The following ECPAS variants were observed in gnomAD, a reference collection of about 807,000 sequenced individuals.
ECPAS encodes proteasome adapter and scaffold protein ECM29.
In ECPAS, 70 loss-of-function variants were observed where a neutral mutation model predicts 255.1. The observed-to-expected ratio is 0.27, with a 90% CI of 0.23 to 0.33. The LOEUF is 0.33. Ranked by LOEUF, ECPAS falls within the 10% of genes least tolerant of loss-of-function variation. The pLI, the probability that ECPAS is intolerant of heterozygous loss-of-function variation, is 1.00. For synonymous variants in ECPAS, 784 were observed against 775.0 expected, an observed-to-expected ratio of 1.01 and a Z score of -0.19; for missense variants, 1,817 against 2,206.4, an observed-to-expected ratio of 0.82 and a Z score of 3.54.
At chr9:111,477,642 T>A (rs565787503) in intron 1 of ECPAS, among the ~76,000 whole-genome samples, 24 of 152,288 alleles carry the variant, frequency 1.6e-4, no homozygotes, top group Non-Finnish European at 3.4e-4. Context: ...TCAGAGAATC[T>A]AAGTTCAAGT....
chr9:111,397,390 G>C (rs1456903258), intron 24 of ECPAS, among the ~76,000 whole-genome samples: 2 of 152,170 alleles, frequency 1.3e-5, no homozygotes, highest in African/African-American at 4.8e-5. Flanking sequence ...ACCCTCAGTA[G>C]AGAACCACTA....
chr9:111,365,115 A>T (rs2131464553), intron 48 of ECPAS, among the ~76,000 whole-genome samples: 1 of 152,196 alleles, frequency 6.6e-6, no homozygotes, highest in Non-Finnish European at 1.5e-5. Context: ...TACTAAAAAT[A>T]CAAAAATTAG....
At chr9:111,440,545 G>C (rs1164056794) in intron 5 of ECPAS, 24 bp from the exon 6 acceptor site, 2 of 1,521,632 alleles carry the variant, frequency 1.3e-6, no homozygotes, top group Non-Finnish European at 1.8e-6. Flanking sequence ...TACATTTATT[G>C]CAACTACTTA....
At chr9:111,369,195 A>T (rs923152030) in intron 45 of ECPAS, 22 bp from the exon 46 acceptor site, 2 of 1,483,392 alleles carry the variant, frequency 1.3e-6, no homozygotes, top group African/African-American at 2.9e-5. Context: ...CAAAGAAAAG[A>T]AAATGTAATA....
rs140169875 is a variant in ECPAS, at chr9:111,372,556, T to C, written c.4401A>G (p.Val1467=). The C allele has an allele frequency of 5.6e-6, 9 of 1,613,862 alleles. No homozygotes were observed. In the East Asian group the frequency reaches 2.0e-4, roughly 36 times the overall value. Residue 1467 remains valine, a synonymous_variant, in exon 42 of 50, where the codon GTA becomes GTG. Coordinates refer to ENST00000684092, the MANE Select transcript of ECPAS (RefSeq NM_001364929.1). ...IHAIGRYSPD[V]LKNHAKEVLP... Reference sequence around the variant, plus strand: ...GGACTTCTTTTGCATGATTCTTTAATACATCAGGGCTGTATCGTCCAATAG... The same window carrying C: ...GGACTTCTTTTGCATGATTCTTTAACACATCAGGGCTGTATCGTCCAATAG...
chr9:111,483,918 G>C (rs1344824744), intron 1 of ECPAS, 198 bp downstream of exon 1: 10 of 718,646 alleles, frequency 1.4e-5, no homozygotes, highest in Non-Finnish European at 1.7e-5. Context: ...CATCCTCCCA[G>C]CGGCCCCCCC....
intron 19 of ECPAS, 120 bp downstream of exon 19, chr9:111,414,309 A>G (rs1232565868): frequency 1.1e-5 from 9 of 850,160 alleles, no homozygotes; most frequent in African/African-American, 1.7e-5. Context: ...AAAAGAAACA[A>G]AGGCTAATGT....
intron 23 of ECPAS, among the ~76,000 whole-genome samples, chr9:111,408,905 C>T (rs2098189430): frequency 6.6e-6 from 1 of 152,300 alleles, no homozygotes; most frequent in Non-Finnish European, 1.5e-5. Context: ...AGGAAGAAAG[C>T]CTTTAACTAG....
chr9:111,455,941 T>A (rs1313486405), intron 2 of ECPAS, among the ~76,000 whole-genome samples: 2 of 152,204 alleles, frequency 1.3e-5, no homozygotes, highest in African/African-American at 2.4e-5. Flanking sequence ...CTGAATCCTG[T>A]GAGTCCTACT....
chr9:111,444,721 T>C lies in ECPAS; in HGVS notation c.154-227A>G, dbSNP rs146938905. On this transcript the variant is annotated intron_variant, in intron 3 of 49. Transcript: ENST00000684092. The stretch of plus-strand genomic sequence containing the variant: ...ACTAGTGAATTTCTCTTTTTCTTTT[T>C]ATTTCCCAAGACGGAGTCTTGCTCT... Among the ~76,000 whole-genome samples, 445 of 152,230 alleles carry C rather than the reference T, an allele frequency of 2.9e-3. 3 individuals carry two copies. The highest frequency in any genetic ancestry group is 0.01 in the African/African-American group (435 of 41,492).
chr9:111,372,121 G>A (rs766781926), intron 42 of ECPAS, among the ~76,000 whole-genome samples: 62 of 152,042 alleles, frequency 4.1e-4, no homozygotes, highest in Non-Finnish European at 6.3e-4. Context: ...ATACTCTAAG[G>A]CCACATAAAA....
At chr9:111,412,614 A>C (rs759630452) in intron 20 of ECPAS, among the ~76,000 whole-genome samples, 1 of 152,202 alleles carries the variant, frequency 6.6e-6, no homozygotes, top group Non-Finnish European at 1.5e-5. Flanking sequence ...AACCATTCTT[A>C]GCTTGCAAAC....
intron 7 of ECPAS, among the ~76,000 whole-genome samples, chr9:111,434,840 TG>T (rs2098235444): frequency 6.8e-6 from 1 of 147,478 alleles, no homozygotes; most frequent in South Asian, 2.2e-4. Flanking sequence ...TCAAGCGATC[TG>T]CCCAACATGG....
At chr9:111,420,194 A>G in intron 15 of ECPAS, 74 bp from the exon 16 acceptor site, 1 of 971,030 alleles carries the variant, frequency 1.0e-6, no homozygotes, top group East Asian at 2.4e-5. Flanking sequence ...CCAGCCATTC[A>G]TTCCAATCAA....
At position 111,410,225 on chromosome 9, in the gene ECPAS, T is replaced by G. The variant is rs775384760; in HGVS notation, c.2378-12A>C. On this transcript the variant is annotated splice_polypyrimidine_tract_variant and intron_variant, in intron 22 of 49. Transcript: ENST00000684092. ...GTCCAAAAATGAGCCTGTAAGCACA[T>G]TTAGCCAAAAAGAGAATTACATACC... The G allele has an allele frequency of 6.2e-7, 1 of 1,600,506 alleles. No homozygotes were observed. Among genetic ancestry groups the G allele is most frequent in the Admixed American group, 1.7e-5 (1 of 57,422 alleles).
intron 26 of ECPAS, 52 bp from the exon 27 acceptor site, chr9:111,393,786 A>C (rs1177524181): frequency 2.5e-6 from 3 of 1,221,132 alleles, no homozygotes; most frequent in Non-Finnish European, 3.6e-6. Context: ...TCTTTGAGAG[A>C]ATAAGAGTCT....
At chr9:111,394,650 T>C (rs372043746) in intron 25 of ECPAS, among the ~76,000 whole-genome samples, 4 of 152,170 alleles carry the variant, frequency 2.6e-5, no homozygotes, top group African/African-American at 7.2e-5. Context: ...CCAGCTACCA[T>C]ACTGTTTTTC....
chr9:111,381,570 A>C (rs564469506), intron 35 of ECPAS, among the ~76,000 whole-genome samples: 1 of 152,358 alleles, frequency 6.6e-6, no homozygotes, highest in South Asian at 2.1e-4. Flanking sequence ...TTCCAACTTC[A>C]TGTTAATGTG....
intron 22 of ECPAS, among the ~76,000 whole-genome samples, chr9:111,410,752 C>T (rs2098192764): frequency 6.6e-6 from 1 of 152,138 alleles, no homozygotes; most frequent in African/African-American, 2.4e-5. Flanking sequence ...CTCTTGGACT[C>T]AAGTCATCCT....
Sources: gnomAD v4.1 joint callset for allele counts (sites outside exome capture counted in the v4.1 genomes callset) on GRCh38, gnomAD v4.1.1 for gene constraint, MANE v1.5 for transcripts, NCBI Gene and HGNC (gene_info 2026-07-23, HGNC 2026-07-21) for gene names.